The following PTK2B variants were observed in gnomAD, a reference collection of about 807,000 sequenced individuals.
PTK2B encodes protein-tyrosine kinase 2-beta.
A neutral mutation model predicts 142.9 loss-of-function variants in PTK2B; 71 were observed. That is an observed-to-expected ratio of 0.50 (90% CI 0.41 to 0.61). PTK2B has a LOEUF of 0.61. PTK2B is among the 20% of genes least tolerant of loss of function. PTK2B has a pLI of 0.00. For synonymous variants in PTK2B, 519 were observed against 503.4 expected, an observed-to-expected ratio of 1.03 and a Z score of -0.42; for missense variants, 1,105 against 1,320.4, an observed-to-expected ratio of 0.84 and a Z score of 2.53.
At chr8:27,413,488 C>G (rs964992149) in intron 2 of PTK2B, among the ~76,000 whole-genome samples, 22 of 152,186 alleles carry the variant, frequency 1.4e-4, no homozygotes, top group African/African-American at 5.3e-4. Flanking sequence ...CAAAAGAGTA[C>G]AGGCCTTTTG....
intron 1 of PTK2B, among the ~76,000 whole-genome samples, chr8:27,374,106 A>G (rs1392150795): frequency 1.3e-5 from 2 of 152,160 alleles, no homozygotes; most frequent in Admixed American, 1.3e-4. Context: ...GAACGCTGAT[A>G]CATAGGTGGT....
At chr8:27,398,299 G>A (rs1335760035) in intron 2 of PTK2B, among the ~76,000 whole-genome samples, 2 of 152,222 alleles carry the variant, frequency 1.3e-5, no homozygotes, top group Non-Finnish European at 2.9e-5. Context: ...CAGGTGCCCT[G>A]CCTGGCAACA....
intron 1 of PTK2B, among the ~76,000 whole-genome samples, chr8:27,358,935 A>G (rs1481172695): frequency 6.6e-6 from 1 of 152,036 alleles, no homozygotes; most frequent in Non-Finnish European, 1.5e-5. Flanking sequence ...TATCCTCCTT[A>G]CCAAATTGGA....
At chr8:27,323,791 A>T (rs994836406), upstream of PTK2B, among the ~76,000 whole-genome samples, 2 of 152,128 alleles carry the variant, frequency 1.3e-5, no homozygotes, top group African/African-American at 4.8e-5. Flanking sequence ...TGGGTTTATG[A>T]TTCTGTGAGG....
intron 23 of PTK2B, 73 bp from the exon 24 acceptor site, chr8:27,445,721 G>C (rs537018009): frequency 6.3e-7 from 1 of 1,592,456 alleles, no homozygotes; most frequent in Admixed American, 1.7e-5. Flanking sequence ...CTTTGTGCTC[G>C]TGTTTGTAGC....
rs111805827 is a variant in PTK2B, at chr8:27,354,423, A to T, written c.-38+28742A>T. Among the ~76,000 whole-genome samples, 402 of 152,186 alleles carry T rather than the reference A, an allele frequency of 2.6e-3. 3 individuals are homozygous for T. The highest frequency in any genetic ancestry group is 9.1e-3 in the African/African-American group (377 of 41,538). ...CACTAGCACACAAGGCTGGCCTGGG[A>T]GGAGGAACAGTCTCACAAAGAAAGC... is the stretch of plus-strand genomic sequence containing the variant. On this transcript the variant is annotated intron_variant, in intron 1 of 30. Transcript: ENST00000346049.
At chr8:27,357,846 G>T (rs895173017) in intron 1 of PTK2B, among the ~76,000 whole-genome samples, 1 of 152,180 alleles carries the variant, frequency 6.6e-6, no homozygotes, top group Non-Finnish European at 1.5e-5. Context: ...TTACATGCTA[G>T]GGATATGGAG....
In PTK2B at chr8:27,420,057, G is replaced by C. The variant is rs752698808; in HGVS notation, c.367G>C (p.Val123Leu). 6.8e-6 allele frequency: 11 copies of C among 1,614,058 alleles called. No individual in the cohort carries two copies. Among genetic ancestry groups the C allele is most frequent in the Non-Finnish European group, 8.5e-6 (10 of 1,180,022 alleles). Residue 123 changes from valine (V) to leucine (L), a missense_variant, in exon 3 of 31, where the codon GTG becomes CTG. Val to Leu is a conservative substitution (Grantham distance 32). Transcript: ENST00000346049. ...GCAGGACAAGTATGAGTGTCTGCAC[G>C]TGGAAGCCGAGTGGAGGTAGGAGTG... ...EVQDKYECLH[V>L]EAEWRYDLQI...
intron 1 of PTK2B, among the ~76,000 whole-genome samples, chr8:27,365,268 T>A (rs1487231470): frequency 1.3e-5 from 2 of 152,214 alleles, no homozygotes; most frequent in Admixed American, 1.3e-4. Context: ...AGTCCCTGGA[T>A]CACTACTTAC....
chr8:27,323,761 C>G (rs1259881301), upstream of PTK2B, among the ~76,000 whole-genome samples: 1 of 152,114 alleles, frequency 6.6e-6, no homozygotes, highest in Non-Finnish European at 1.5e-5. Flanking sequence ...TTCTCAATGT[C>G]TTTTTCATTT....
chr8:27,411,997 T>C (rs1237426765), intron 2 of PTK2B, among the ~76,000 whole-genome samples: 1 of 152,190 alleles, frequency 6.6e-6, no homozygotes, highest in African/African-American at 2.4e-5. Context: ...GCCAGCCAAA[T>C]GAAGAAACAT....
chr8:27,441,685 A>G (rs1811166059), intron 21 of PTK2B, among the ~76,000 whole-genome samples: 1 of 152,204 alleles, frequency 6.6e-6, no homozygotes, highest in African/African-American at 2.4e-5. Flanking sequence ...CCCTTCAGTG[A>G]GCCTCCCAGT....
intron 13 of PTK2B, among the ~76,000 whole-genome samples, chr8:27,435,506 AT>A (rs1810714299): frequency 6.6e-6 from 1 of 152,258 alleles, no homozygotes; most frequent in South Asian, 2.1e-4. Context: ...ATTAAGGGAG[AT>A]TAACCAACTT....
At chr8:27,320,823 C>T (rs144408386), upstream of PTK2B, among the ~76,000 whole-genome samples, 87 of 152,068 alleles carry the variant, frequency 5.7e-4, no homozygotes, top group African/African-American at 2.0e-3. Flanking sequence ...ATCAACTCAA[C>T]CTTCAGCCCC....
At chr8:27,420,103 G>A in intron 3 of PTK2B, 30 bp downstream of exon 3, 1 of 1,610,802 alleles carries the variant, frequency 6.2e-7, no homozygotes, top group South Asian at 1.1e-5. Flanking sequence ...CTCTGGAAGT[G>A]GGAAGGAGAG....
chr8:27,450,879 A>G lies in PTK2B; in HGVS notation c.2471A>G (p.Gln824Arg). 1 of 1,614,212 alleles carries G rather than the reference A, an allele frequency of 6.2e-7. No homozygotes were observed. The highest frequency in any genetic ancestry group is 8.5e-7 in the Non-Finnish European group (1 of 1,180,020). ...QMVEDYQWLR[Q>R]EEKSLDPMVY... ...GTGGAGGACTACCAGTGGCTCAGGC[A>G]GGAGGAGAAGTCCCTGGTGAGCACC... The change falls in exon 25 of 31, where the codon CAG becomes CGG. Residue 824 changes from glutamine to arginine, a missense_variant. Coordinates refer to ENST00000346049, the MANE Select transcript of PTK2B (RefSeq NM_173176.3).
intron 1 of PTK2B, among the ~76,000 whole-genome samples, chr8:27,340,373 C>T (rs762871894): frequency 1.3e-5 from 2 of 152,158 alleles, no homozygotes. Flanking sequence ...AGGTGCTTTA[C>T]AGGTTGAGAG....
chr8:27,316,313 CAG>C (rs1193869553), intron 3 of PTK2B, among the ~76,000 whole-genome samples: 5 of 147,348 alleles, frequency 3.4e-5, no homozygotes, highest in Admixed American at 2.7e-4. Context: ...TTTTCTGAAA[CAG>C]TGAACTAGAA....
intron 1 of PTK2B, among the ~76,000 whole-genome samples, chr8:27,349,693 C>G (rs1033867893): frequency 9.9e-5 from 15 of 152,262 alleles, no homozygotes; most frequent in Non-Finnish European, 2.1e-4. Flanking sequence ...CATCAATATC[C>G]TGTACACATT....
Sources: allele counts gnomAD v4.1 joint callset (sites outside exome capture counted in the v4.1 genomes callset), GRCh38; gene constraint gnomAD v4.1.1; transcripts MANE v1.5; gene names NCBI Gene and HGNC (gene_info 2026-07-23, HGNC 2026-07-21).